ACSM4: variants seen among roughly 807,000 people sequenced by gnomAD.
The protein encoded by ACSM4 is acyl-coenzyme A synthetase ACSM4, mitochondrial.
In ACSM4, 66 loss-of-function variants were observed where a neutral mutation model predicts 73.0. The ratio of observed to expected loss-of-function variants is 0.90; its 90% CI spans 0.74 to 1.11. The LOEUF is 1.11. Ranked by LOEUF, ACSM4 falls within the 50% of genes least tolerant of loss-of-function variation. The pLI is 0.00. For synonymous variants in ACSM4, 222 were observed against 254.0 expected, an observed-to-expected ratio of 0.87 and a Z score of 1.20; for missense variants, 645 against 714.4, an observed-to-expected ratio of 0.90 and a Z score of 1.11.
In ACSM4 at chr12:7,310,652, G is replaced by A. The variant is rs1565752270; in HGVS notation, c.526G>A (p.Glu176Lys). The A allele has an allele frequency of 1.2e-6, 2 of 1,613,282 alleles. No homozygotes were observed. The highest frequency in any genetic ancestry group is 1.3e-5 in the African/African-American group (1 of 74,912). The change falls in exon 3 of 13, where the codon GAG becomes AAG. Residue 176 changes from glutamate to lysine, a missense_variant. By Grantham distance (56) the Glu-to-Lys change is moderately conservative. Coordinates refer to ENST00000399422, the MANE Select transcript of ACSM4 (RefSeq NM_001080454.2). ...CAGTGAGGAGGTGGCCCCAGCGGTG[G>A]AGTCCATTGTATTGGAGTGTCCTGA... ...VASEEVAPAV[E>K]SIVLECPDLK...
Position 7,324,597 on chromosome 12 carries a change from A to G in ACSM4, c.1535A>G (p.Glu512Gly). The change falls in exon 11 of 13, where the codon GAG becomes GGG. Residue 512 changes from glutamate (E) to glycine (G), a missense_variant and splice_region_variant. Coordinates refer to ENST00000399422, the MANE Select transcript of ACSM4 (RefSeq NM_001080454.2). ...AGTAGTCCAGATCAAATCCGCGGAG[A>G]GGTAGATGAATGTCATTTATTAAAG... Reference protein sequence around the residue: ...VVSSPDQIRGEVVKAFVVLAA... With the variant: ...VVSSPDQIRGGVVKAFVVLAA... The G allele has an allele frequency of 6.2e-7, 1 of 1,613,722 alleles. No individual in the cohort carries two copies. The highest frequency in any genetic ancestry group is 8.5e-7 in the Non-Finnish European group (1 of 1,179,692).
chr12:7,319,195 C>T (rs1479217763), intron 5 of ACSM4, among the ~76,000 whole-genome samples: 2 of 152,148 alleles, frequency 1.3e-5, no homozygotes, highest in Admixed American at 1.3e-4. Flanking sequence ...AGCACACAAC[C>T]TAGATCCCTC....
At chr12:7,312,756 C>T (rs1010320405) in intron 3 of ACSM4, among the ~76,000 whole-genome samples, 1 of 152,076 alleles carries the variant, frequency 6.6e-6, no homozygotes, top group African/African-American at 2.4e-5. Context: ...CAATTCTTAG[C>T]TTAATGCCTG....
chr12:7,328,397 A>G lies in ACSM4; in HGVS notation c.*24A>G, dbSNP rs1253269760. On this transcript the variant is annotated 3_prime_UTR_variant, in exon 13 of 13. Coordinates refer to ENST00000399422, the MANE Select transcript of ACSM4 (RefSeq NM_001080454.2). ...AGTTTGATAACAAAGCTGAAGGGTT[A>G]AGCAGTAATATGGTTGCTTTCTTTT... 6.6e-7 allele frequency: 1 copy of G among 1,523,998 alleles called. No individual in the cohort carries two copies. Among genetic ancestry groups the G allele is most frequent in the Non-Finnish European group, 8.9e-7 (1 of 1,121,406 alleles). The allele number at this position is 1,523,998 out of a possible 1,614,324, so 94.4% of individuals were successfully genotyped here.
At chr12:7,306,114 T>C (rs1946360181) in intron 1 of ACSM4, among the ~76,000 whole-genome samples, 1 of 152,168 alleles carries the variant, frequency 6.6e-6, no homozygotes, top group South Asian at 2.1e-4. Context: ...TCAAGGAATA[T>C]GGGAGAGCTC....
rs747156226 is a variant in ACSM4 at position 7,327,103 on chromosome 12, C to T, written c.1656+8C>T. 2.5e-6 allele frequency: 4 copies of T among 1,591,814 alleles called. No homozygotes were observed. Among genetic ancestry groups the T allele is most frequent in the Admixed American group, 1.8e-5 (1 of 55,988 alleles). ...TACAAATATCCAAGAAAGGCAAGTG[C>T]TTTGCCCAAAAGTTAAGTTTGGATG... On this transcript the variant is annotated splice_region_variant and intron_variant, in intron 12 of 12. Coordinates refer to ENST00000399422, the MANE Select transcript of ACSM4 (RefSeq NM_001080454.2).
intron 5 of ACSM4, 88 bp downstream of exon 5, chr12:7,318,270 G>A (rs1439654839): frequency 2.6e-5 from 38 of 1,489,550 alleles, no homozygotes; most frequent in Admixed American, 8.7e-5. Flanking sequence ...TAGAATACAA[G>A]GCTTCTTGGG....
chr12:7,317,034 T>C (rs1591843793), intron 3 of ACSM4, 103 bp from the exon 4 acceptor site: 4 of 1,387,388 alleles, frequency 2.9e-6, no homozygotes, highest in East Asian at 2.5e-5. Context: ...TTCTGTTAAC[T>C]ATCTTCTGGT....
intron 7 of ACSM4, 36 bp downstream of exon 7, chr12:7,322,577 G>C (rs778683599): frequency 6.4e-7 from 1 of 1,574,458 alleles, no homozygotes; most frequent in Non-Finnish European, 8.6e-7. Flanking sequence ...AGTATATGTG[G>C]GGGCCTTTCT....
At chr12:7,322,655 G>A (rs904196792) in intron 7 of ACSM4, 114 bp downstream of exon 7, 16 of 1,357,052 alleles carry the variant, frequency 1.2e-5, no homozygotes, top group Admixed American at 5.8e-5. Context: ...AGAGTTTCCC[G>A]GGATACCTCA....
At chr12:7,323,705 G>A (rs1251537941) in intron 9 of ACSM4, 145 bp downstream of exon 9, 7 of 713,722 alleles carry the variant, frequency 9.8e-6, no homozygotes, top group Admixed American at 5.5e-5. Context: ...TCACCCAAGA[G>A]TACTGTAAAG....
intron 9 of ACSM4, 144 bp downstream of exon 9, chr12:7,323,704 A>G (rs1946482043): frequency 1.4e-6 from 1 of 713,652 alleles, no homozygotes. Context: ...GTCACCCAAG[A>G]GTACTGTAAA....
chr12:7,312,781 C>T (rs1378980029), intron 3 of ACSM4, among the ~76,000 whole-genome samples: 1 of 152,248 alleles, frequency 6.6e-6, no homozygotes, highest in Non-Finnish European at 1.5e-5. Flanking sequence ...AGAGTAATTA[C>T]TCCATAAATA....
chr12:7,320,848 C>A, intron 6 of ACSM4, 44 bp downstream of exon 6: 1 of 1,476,430 alleles, frequency 6.8e-7, no homozygotes, highest in Non-Finnish European at 9.4e-7. Flanking sequence ...ACAATAGCTA[C>A]CATCCAGGAT....
chr12:7,325,627 A>G (rs1349437978), intron 11 of ACSM4, among the ~76,000 whole-genome samples: 1 of 152,210 alleles, frequency 6.6e-6, no homozygotes, highest in Non-Finnish European at 1.5e-5. Context: ...AGCCTGGACA[A>G]CAGAGACAGA....
chr12:7,308,813 A>G (rs1220664587), intron 2 of ACSM4, among the ~76,000 whole-genome samples: 2 of 152,166 alleles, frequency 1.3e-5, no homozygotes, highest in African/African-American at 4.8e-5. Flanking sequence ...TAGCAATTCA[A>G]CTCCACATTT....
intron 7 of ACSM4, 114 bp from the exon 8 acceptor site, chr12:7,323,120 G>A: frequency 1.1e-6 from 1 of 902,674 alleles, no homozygotes. Context: ...ATTTCAGAAG[G>A]TGCGCCTGCA....
At chr12:7,313,578 G>T (rs1412563298) in intron 3 of ACSM4, among the ~76,000 whole-genome samples, 1 of 152,104 alleles carries the variant, frequency 6.6e-6, no homozygotes, top group Non-Finnish European at 1.5e-5. Context: ...ATTCATAATA[G>T]GATAATGGAA....
intron 10 of ACSM4, 48 bp from the exon 11 acceptor site, chr12:7,324,451 T>A (rs1313505161): frequency 1.2e-6 from 2 of 1,613,934 alleles, no homozygotes; most frequent in Non-Finnish European, 1.7e-6. Flanking sequence ...GGGAGGGAGA[T>A]CTCTAACTTG....
Sources: allele counts gnomAD v4.1 joint callset (sites outside exome capture counted in the v4.1 genomes callset), GRCh38; gene constraint gnomAD v4.1.1; transcripts MANE v1.5; gene names NCBI Gene and HGNC (gene_info 2026-07-23, HGNC 2026-07-21).